KSR2: variants seen among roughly 807,000 people sequenced by gnomAD.
The protein encoded by KSR2 is kinase suppressor of ras 2.
Under a neutral mutation model 107.8 loss-of-function variants are expected in KSR2, and 25 were observed. The observed-to-expected ratio is 0.23, with a 90% CI of 0.17 to 0.32. The LOEUF (loss-of-function observed/expected upper bound fraction) is 0.32, where lower values mean the gene tolerates loss of function less well. Among genes scored for constraint, KSR2 ranks in the 10% least tolerant of loss-of-function variants. The pLI is 1.00. For synonymous variants in KSR2, 480 were observed against 507.0 expected (o/e 0.95, Z 0.71); for missense variants, 887 against 1,268.9 (o/e 0.70, Z 4.57).
At chr12:117,924,374 T>A (rs1390637408) in intron 1 of KSR2, among the ~76,000 whole-genome samples, 4 of 148,456 alleles carry the variant, frequency 2.7e-5, no homozygotes, top group Admixed American at 2.7e-4. Flanking sequence ...GAGACCAGCT[T>A]GGCCAACATG....
intron 1 of KSR2, among the ~76,000 whole-genome samples, chr12:117,916,721 G>A (rs147376439): frequency 6.6e-6 from 1 of 152,218 alleles, no homozygotes; most frequent in Non-Finnish European, 1.5e-5. Context: ...GGATAACTAA[G>A]CCACGAAAGA....
intron 1 of KSR2, among the ~76,000 whole-genome samples, chr12:117,872,960 CA>C (rs1893699022): frequency 2.6e-5 from 4 of 152,260 alleles, no homozygotes; most frequent in Admixed American, 1.3e-4. Flanking sequence ...TGTGCAAATG[CA>C]AATCACAAGG....
At chr12:117,758,034 G>T (rs1242711962) in intron 4 of KSR2, among the ~76,000 whole-genome samples, 1 of 151,870 alleles carries the variant, frequency 6.6e-6, no homozygotes. Flanking sequence ...TTTTAATGCT[G>T]GTCACAAGCC....
At chr12:117,488,131 G>A (rs748688774) in intron 14 of KSR2, among the ~76,000 whole-genome samples, 36 of 152,256 alleles carry the variant, frequency 2.4e-4, no homozygotes, top group African/African-American at 8.4e-4. Context: ...CATGTAAGAC[G>A]TGCCTTTGTT....
At chr12:117,571,639 G>A (rs1484980306) in intron 7 of KSR2, among the ~76,000 whole-genome samples, 2 of 152,184 alleles carry the variant, frequency 1.3e-5, no homozygotes, top group Non-Finnish European at 2.9e-5. Context: ...GCTGGCCACT[G>A]AGTTTATAAT....
intron 4 of KSR2, among the ~76,000 whole-genome samples, chr12:117,738,089 A>G (rs959758532): frequency 2.0e-5 from 3 of 152,160 alleles, no homozygotes; most frequent in Admixed American, 6.5e-5. Context: ...AGACAACACT[A>G]TCCCGGAAGC....
At chr12:117,735,915 AT>A (rs1887919708) in intron 4 of KSR2, among the ~76,000 whole-genome samples, 1 of 152,224 alleles carries the variant, frequency 6.6e-6, no homozygotes, top group African/African-American at 2.4e-5. Context: ...AAGGATAGAA[AT>A]AAGATTAATT....
chr12:117,842,906 GC>G lies in KSR2; in HGVS notation c.472+12521del, dbSNP rs1481568162. Among the ~76,000 whole-genome samples, 1 of 152,138 alleles carries G rather than the reference GC, an allele frequency of 6.6e-6. No homozygotes were observed. The highest frequency in any genetic ancestry group is 6.6e-5 in the Admixed American group (1 of 15,266). ...CAAAGGCTGGAGAGGAAAACATCCT[GC>G]CCCTCCCTCCACCCCTGCCTTAGTG... On this transcript the variant is annotated intron_variant, in intron 3 of 19. Transcript: ENST00000339824. The surrounding 1 kb of genome is among the most constrained non-coding windows in gnomAD (Gnocchi z 4.2).
At chr12:117,887,226 A>AT (rs888362472) in intron 1 of KSR2, among the ~76,000 whole-genome samples, 2 of 150,374 alleles carry the variant, frequency 1.3e-5, no homozygotes, top group Admixed American at 6.6e-5. Context: ...GCCCAGCCGG[A>AT]TTTTTTTTTC....
chr12:117,484,663 C>G, intron 15 of KSR2, 114 bp from the exon 16 acceptor site: 5 of 1,045,402 alleles, frequency 4.8e-6, no homozygotes, highest in Non-Finnish European at 7.0e-6. Context: ...TGGGACCACA[C>G]TCAACAGAGG....
chr12:117,722,632 A>G (rs1185496438), intron 4 of KSR2, among the ~76,000 whole-genome samples: 2 of 152,226 alleles, frequency 1.3e-5, no homozygotes, highest in Non-Finnish European at 2.9e-5. Flanking sequence ...GGCATGAATA[A>G]TCCACCCCTT....
intron 1 of KSR2, among the ~76,000 whole-genome samples, chr12:117,875,177 CAT>C (rs1185142029): frequency 6.6e-6 from 1 of 152,104 alleles, no homozygotes; most frequent in Non-Finnish European, 1.5e-5. Context: ...AAAGTCAAGA[CAT>C]GTGACAGAGC....
intron 4 of KSR2, among the ~76,000 whole-genome samples, chr12:117,670,743 T>C (rs594907): frequency 0.98 from 149,308 of 152,222 alleles, 73,261 homozygotes; most frequent in East Asian, 1. Flanking sequence ...AGTAACTAAA[T>C]AGAAAAATGC....
chr12:117,731,956 T>A (rs529885742), intron 4 of KSR2, among the ~76,000 whole-genome samples: 1 of 147,616 alleles, frequency 6.8e-6, no homozygotes, highest in South Asian at 2.3e-4. Context: ...CATGTTTATC[T>A]GCTGACCTTC....
intron 4 of KSR2, among the ~76,000 whole-genome samples, chr12:117,730,837 T>C (rs1281222273): frequency 1.3e-5 from 2 of 152,148 alleles, no homozygotes; most frequent in African/African-American, 4.8e-5. Flanking sequence ...TGGAGTGCAG[T>C]GGCCTGATCT....
At chr12:117,948,032 A>T (rs1442790675) in intron 1 of KSR2, among the ~76,000 whole-genome samples, 1 of 152,190 alleles carries the variant, frequency 6.6e-6, no homozygotes, top group Non-Finnish European at 1.5e-5. Context: ...CTGATCCTAA[A>T]ATTTATATAA....
Position 117,651,940 on chromosome 12 carries a change from G to A in KSR2, c.1171+15534C>T, listed in dbSNP as rs73411171. Among the ~76,000 whole-genome samples the A allele has an allele frequency of 3.6e-3, 547 of 152,308 alleles. 2 individuals are homozygous for A. The highest frequency in any genetic ancestry group is 0.013 in the African/African-American group (526 of 41,558). On this transcript the variant is annotated intron_variant, in intron 5 of 19. Coordinates refer to ENST00000339824, the MANE Select transcript of KSR2 (RefSeq NM_173598.6). Reference sequence around the variant, plus strand: ...AAGGGGAATAATTGGATCCCAAGGTGGCAAGGGCCAAGTGGCAGCACTCAA... The same window carrying A: ...AAGGGGAATAATTGGATCCCAAGGTAGCAAGGGCCAAGTGGCAGCACTCAA...
In KSR2 at chr12:117,968,100, T is replaced by G; in HGVS notation, c.156A>C (p.Thr52=). The change falls in exon 1 of 20, where the codon ACA becomes ACC. Residue 52 remains threonine (T), a synonymous_variant. Coordinates refer to ENST00000339824, the MANE Select transcript of KSR2 (RefSeq NM_173598.6). ...CCTCCAGGGTCCGGATTTCTTTTTG[T>G]GTGAGGTCGTTGGAGGTAGCACATT... ...RTKCATSNDL[T]QKEIRTLESK... 1 of 1,602,606 alleles carries G rather than the reference T, an allele frequency of 6.2e-7. No individual in the cohort carries two copies. The highest frequency in any genetic ancestry group is 8.5e-7 in the Non-Finnish European group (1 of 1,177,122).
intron 5 of KSR2, among the ~76,000 whole-genome samples, chr12:117,636,342 AATAT>A (rs10540371): frequency 0.17 from 25,115 of 149,146 alleles, 2,197 homozygotes; most frequent in Middle Eastern, 0.23. Context: ...ATGTACTCCA[AATAT>A]ATATATATAT....
Sources: gnomAD v4.1 joint callset for allele counts (sites outside exome capture counted in the v4.1 genomes callset) on GRCh38, gnomAD v4.1.1 for gene constraint, Gnocchi (gnomAD v3.1) non-coding constraint, MANE v1.5 for transcripts, NCBI Gene and HGNC (gene_info 2026-07-23, HGNC 2026-07-21) for gene names.